CDH13: variants seen among roughly 807,000 people sequenced by gnomAD.
The protein encoded by CDH13 is cadherin-13.
Under a neutral mutation model 63.8 loss-of-function variants are expected in CDH13, and 24 were observed. The observed-to-expected ratio is 0.38, with a 90% CI of 0.27 to 0.53. CDH13 has a LOEUF of 0.53. CDH13 is among the 20% of genes least tolerant of loss of function. CDH13 has a pLI of 0.85. For missense variants in CDH13, 1,049 were observed against 903.1 expected, an observed-to-expected ratio of 1.16 and a Z score of -2.07; for synonymous variants, 503 against 355.3, an observed-to-expected ratio of 1.42 and a Z score of -4.67.
chr16:82,642,593 C>G (rs1436111714), intron 1 of CDH13, among the ~76,000 whole-genome samples: 6 of 152,184 alleles, frequency 3.9e-5, no homozygotes, highest in African/African-American at 1.4e-4. Context: ...CATACAATCT[C>G]CACCAGACTG....
At chr16:82,973,291 G>A (rs530403857) in intron 2 of CDH13, among the ~76,000 whole-genome samples, 12 of 152,268 alleles carry the variant, frequency 7.9e-5, no homozygotes, top group East Asian at 7.7e-4. Flanking sequence ...CCTCTTTGCC[G>A]TCCTTCTCCT....
chr16:82,759,014 C>T (rs1348394780), intron 1 of CDH13, among the ~76,000 whole-genome samples: 2 of 152,186 alleles, frequency 1.3e-5, no homozygotes, highest in African/African-American at 4.8e-5. Flanking sequence ...TATCCTTCTT[C>T]ACTTTCTAAG....
chr16:83,632,464 C>T (rs1910870449), intron 8 of CDH13, among the ~76,000 whole-genome samples: 2 of 152,002 alleles, frequency 1.3e-5, no homozygotes, highest in African/African-American at 4.8e-5. Flanking sequence ...TATTATCACG[C>T]CGAATCCTTA....
intron 7 of CDH13, among the ~76,000 whole-genome samples, chr16:83,497,334 A>G (rs2074169493): frequency 6.6e-6 from 1 of 152,114 alleles, no homozygotes; most frequent in Admixed American, 6.5e-5. Context: ...TGCAGCCATA[A>G]AAAAGGATGA....
At chr16:83,156,457 T>C (rs1195371547) in intron 4 of CDH13, among the ~76,000 whole-genome samples, 2 of 152,194 alleles carry the variant, frequency 1.3e-5, no homozygotes, top group African/African-American at 2.4e-5. Context: ...AAAGGCGACA[T>C]GTACTCTTAA....
At chr16:83,249,276 C>T (rs950032014) in intron 5 of CDH13, among the ~76,000 whole-genome samples, 13 of 152,300 alleles carry the variant, frequency 8.5e-5, no homozygotes, top group African/African-American at 2.6e-4. Flanking sequence ...TACCAGCTTT[C>T]GTGAGACCGT....
At chr16:83,407,613 C>T (rs570774922) in intron 6 of CDH13, among the ~76,000 whole-genome samples, 1 of 152,152 alleles carries the variant, frequency 6.6e-6, no homozygotes, top group South Asian at 2.1e-4. Context: ...TTCAAATATA[C>T]CTAAAGAAGG....
intron 7 of CDH13, among the ~76,000 whole-genome samples, chr16:83,547,498 T>C (rs1309733482): frequency 6.6e-6 from 1 of 152,188 alleles, no homozygotes; most frequent in Admixed American, 6.5e-5. Context: ...TTCCCCTTTG[T>C]GTGTCCATGC....
intron 3 of CDH13, among the ~76,000 whole-genome samples, chr16:83,039,151 C>G (rs113421958): frequency 6.6e-6 from 1 of 152,334 alleles, no homozygotes; most frequent in African/African-American, 2.4e-5. Context: ...AGGCTATATA[C>G]GCTTGGATCC....
At chr16:83,076,455 C>G (rs2032843125) in intron 3 of CDH13, among the ~76,000 whole-genome samples, 1 of 152,142 alleles carries the variant, frequency 6.6e-6, no homozygotes, top group African/African-American at 2.4e-5. Context: ...TTAAGGGAGC[C>G]TGTCCTGACA....
At chr16:82,884,320 C>T (rs772249569) in intron 2 of CDH13, 4 of 419,620 alleles carry the variant, frequency 9.5e-6, no homozygotes, top group Non-Finnish European at 1.9e-5. Context: ...AGGAGGCAAC[C>T]TGGGGAGGGG....
intron 4 of CDH13, among the ~76,000 whole-genome samples, chr16:83,199,015 C>T (rs960762780): frequency 2.0e-5 from 3 of 152,092 alleles, no homozygotes; most frequent in African/African-American, 7.2e-5. Flanking sequence ...AAGCTTATAA[C>T]AACTAGGGAA....
intron 7 of CDH13, among the ~76,000 whole-genome samples, chr16:83,498,947 G>T (rs1166869174): frequency 1.3e-5 from 2 of 152,142 alleles, no homozygotes; most frequent in Non-Finnish European, 2.9e-5. Context: ...CCTGCCCTTG[G>T]GGGGAAATGC....
chr16:82,990,355 C>A (rs894522504), intron 2 of CDH13: 1 of 152,230 alleles, frequency 6.6e-6, no homozygotes, highest in Non-Finnish European at 1.5e-5. Flanking sequence ...GAATACATTA[C>A]TGTGGTTCCC....
chr16:83,012,564 A>G (rs572021520), intron 2 of CDH13, among the ~76,000 whole-genome samples: 74 of 152,248 alleles, frequency 4.9e-4, no homozygotes, highest in Non-Finnish European at 7.4e-4. Context: ...TCTACAAGAA[A>G]AAACTATATA....
chr16:82,782,842 C>T (rs1182419736), intron 1 of CDH13, among the ~76,000 whole-genome samples: 1 of 152,176 alleles, frequency 6.6e-6, no homozygotes, highest in Non-Finnish European at 1.5e-5. Context: ...GTTCCTGGCA[C>T]TAAGTTCTGC....
At chr16:83,487,433 T>C (rs1463132550) in intron 7 of CDH13, among the ~76,000 whole-genome samples, 1 of 152,150 alleles carries the variant, frequency 6.6e-6, no homozygotes, top group Non-Finnish European at 1.5e-5. Flanking sequence ...GGATCCAGGG[T>C]CTGCTGTCCC....
At chr16:83,520,073 A>G (rs1457246689) in intron 7 of CDH13, among the ~76,000 whole-genome samples, 1 of 152,226 alleles carries the variant, frequency 6.6e-6, no homozygotes, top group Non-Finnish European at 1.5e-5. Flanking sequence ...GACTGACAAT[A>G]TCAAGTGCTG....
At chr16:83,144,533 G>A (rs143693370) in intron 4 of CDH13, among the ~76,000 whole-genome samples, 15 of 152,274 alleles carry the variant, frequency 9.9e-5, no homozygotes, top group African/African-American at 2.6e-4. Context: ...ACAACTTTAC[G>A]TTCAGGGCCT....
Sources: allele counts gnomAD v4.1 joint callset (sites outside exome capture counted in the v4.1 genomes callset), GRCh38; gene constraint gnomAD v4.1.1; transcripts MANE v1.5; gene names NCBI Gene and HGNC (gene_info 2026-07-23, HGNC 2026-07-21).